The following MBD5 variants were observed in gnomAD, a reference collection of about 807,000 sequenced individuals.
The protein encoded by MBD5 is methyl-CpG-binding domain protein 5.
A neutral mutation model predicts 117.3 loss-of-function variants in MBD5; 13 were observed. The ratio of observed to expected loss-of-function variants is 0.11; its 90% CI spans 0.07 to 0.18. The LOEUF (loss-of-function observed/expected upper bound fraction) is 0.18. MBD5 is among the 10% of genes least tolerant of loss of function. The pLI is 1.00. For synonymous variants in MBD5, 727 were observed against 766.4 expected (o/e 0.95, Z 0.85); for missense variants, 1,879 against 2,093.8 (o/e 0.90, Z 2.00).
Position 148,458,231 on chromosome 2 carries a change from A to C in MBD5, c.-528A>C. 1 of 403,136 alleles carries C rather than the reference A, an allele frequency of 2.5e-6. No homozygotes were observed. The highest frequency in any genetic ancestry group is 4.4e-6 in the Non-Finnish European group (1 of 228,504). 25.0% of individuals were successfully genotyped at this position (403,136 alleles called of 1,614,324 possible). A position where few individuals can be genotyped will look rare whatever the true frequency, so the allele number is the denominator to read the frequency against. ...ACATTATTGGAATTTTGAAGTCATG[A>C]AAACATCAGATGAACCAACCTGCAA... On this transcript the variant is annotated 5_prime_UTR_variant, in exon 5 of 14. Coordinates refer to ENST00000642680, the MANE Select transcript of MBD5 (RefSeq NM_001378120.1).
intron 4 of MBD5, among the ~76,000 whole-genome samples, chr2:148,390,453 G>A (rs1217680115): frequency 6.7e-6 from 1 of 150,228 alleles, no homozygotes; most frequent in Non-Finnish European, 1.5e-5. Context: ...ATATATGTAA[G>A]TATATATATG....
At chr2:148,427,486 G>T (rs1024036850) in intron 4 of MBD5, among the ~76,000 whole-genome samples, 1 of 152,152 alleles carries the variant, frequency 6.6e-6, no homozygotes, top group East Asian at 1.9e-4. Context: ...CATGTCCTTT[G>T]TAGGGACATG....
intron 3 of MBD5, among the ~76,000 whole-genome samples, chr2:148,309,726 C>T (rs1041547724): frequency 2.0e-5 from 3 of 152,096 alleles, no homozygotes; most frequent in African/African-American, 7.2e-5. Flanking sequence ...GGGCATGGTT[C>T]TCTTGTGCCA....
intron 1 of MBD5, among the ~76,000 whole-genome samples, chr2:148,065,990 C>A (rs982027203): frequency 1.3e-5 from 2 of 152,254 alleles, no homozygotes; most frequent in African/African-American, 4.8e-5. Context: ...GCTTTATTTT[C>A]ACTGGGTAGA....
At chr2:148,419,269 A>G (rs992888697) in intron 4 of MBD5, among the ~76,000 whole-genome samples, 2 of 152,138 alleles carry the variant, frequency 1.3e-5, no homozygotes, top group African/African-American at 4.8e-5. Flanking sequence ...CCTGATAACC[A>G]TACAAATTTG....
At chr2:148,216,440 C>CA (rs1315264719) in intron 2 of MBD5, among the ~76,000 whole-genome samples, 1 of 152,010 alleles carries the variant, frequency 6.6e-6, no homozygotes, top group South Asian at 2.1e-4. Context: ...TGTCTCAAGA[C>CA]AAAAAACTTT....
intron 4 of MBD5, among the ~76,000 whole-genome samples, chr2:148,430,467 C>T (rs191727535): frequency 5.5e-4 from 83 of 151,880 alleles, no homozygotes; most frequent in Non-Finnish European, 9.1e-4. Flanking sequence ...TATGTCATTC[C>T]CTGTGTGTTT....
At chr2:148,072,161 A>G (rs1695373773) in intron 1 of MBD5, 1 of 152,170 alleles carries the variant, frequency 6.6e-6, no homozygotes. Flanking sequence ...CAATATAATA[A>G]TAGCACTTAT....
chr2:148,328,170 G>A (rs555761249), intron 3 of MBD5, among the ~76,000 whole-genome samples: 5 of 152,342 alleles, frequency 3.3e-5, no homozygotes, highest in East Asian at 3.9e-4. Context: ...AGGGGTCAGG[G>A]ACCCACTTGA....
At chr2:148,255,165 C>T (rs1420424811) in intron 3 of MBD5, among the ~76,000 whole-genome samples, 1 of 152,214 alleles carries the variant, frequency 6.6e-6, no homozygotes, top group African/African-American at 2.4e-5. Context: ...CAAGTACTAA[C>T]AAAGGTAGAT....
chr2:148,121,418 T>G (rs1049488885), intron 1 of MBD5, among the ~76,000 whole-genome samples: 1 of 152,050 alleles, frequency 6.6e-6, no homozygotes, highest in African/African-American at 2.4e-5. Flanking sequence ...GTTTTTTTTT[T>G]CTTTTTACAA....
chr2:148,028,951 G>A (rs1693970631), intron 1 of MBD5, among the ~76,000 whole-genome samples: 1 of 152,016 alleles, frequency 6.6e-6, no homozygotes, highest in African/African-American at 2.4e-5. Context: ...TAGTTAAAAG[G>A]TTTGTTTATG....
chr2:148,041,638 C>T (rs984411390), intron 1 of MBD5, among the ~76,000 whole-genome samples: 1 of 152,226 alleles, frequency 6.6e-6, no homozygotes, highest in South Asian at 2.1e-4. Flanking sequence ...CCTGTACACA[C>T]GTTACACACT....
intron 3 of MBD5, among the ~76,000 whole-genome samples, chr2:148,268,845 G>T (rs1243185724): frequency 6.6e-6 from 1 of 151,628 alleles, no homozygotes; most frequent in Non-Finnish European, 1.5e-5. Context: ...TCATGTATTT[G>T]GTTTGCTTAT....
At chr2:148,380,475 T>G (rs1704105483) in intron 4 of MBD5, among the ~76,000 whole-genome samples, 1 of 152,190 alleles carries the variant, frequency 6.6e-6, no homozygotes, top group Non-Finnish European at 1.5e-5. Flanking sequence ...TTAAAAATTA[T>G]TACACATTTA....
chr2:148,199,222 T>C (rs1699072984), intron 2 of MBD5, among the ~76,000 whole-genome samples: 1 of 152,150 alleles, frequency 6.6e-6, no homozygotes, highest in Admixed American at 6.5e-5. Flanking sequence ...CTCATTCAGA[T>C]TGTGGAAGAT....
chr2:148,033,615 A>G (rs1694103327), intron 1 of MBD5, among the ~76,000 whole-genome samples: 1 of 152,224 alleles, frequency 6.6e-6, no homozygotes. Flanking sequence ...AGCAACTTTT[A>G]TTAAGAAGAA....
At chr2:148,413,024 A>T (rs188080155) in intron 4 of MBD5, among the ~76,000 whole-genome samples, 17 of 152,152 alleles carry the variant, frequency 1.1e-4, no homozygotes, top group African/African-American at 3.6e-4. Context: ...ATAGACATCC[A>T]TGTCTTATTC....
At chr2:148,345,709 T>TTA (rs1703108142) in intron 4 of MBD5, among the ~76,000 whole-genome samples, 3 of 148,880 alleles carry the variant, frequency 2.0e-5, no homozygotes, top group South Asian at 4.2e-4. Flanking sequence ...ATTATATATA[T>TTA]TATATATATA....
Sources: allele counts gnomAD v4.1 joint callset (sites outside exome capture counted in the v4.1 genomes callset), GRCh38; gene constraint gnomAD v4.1.1; transcripts MANE v1.5; gene names NCBI Gene and HGNC (gene_info 2026-07-23, HGNC 2026-07-21).